Variants in PTPRK observed in about 807,000 individuals in gnomAD.
PTPRK encodes protein tyrosine phosphatase receptor type K, also known as receptor-type tyrosine-protein phosphatase kappa.
Under a neutral mutation model 178.0 loss-of-function variants are expected in PTPRK, and 75 were observed. That is an observed-to-expected ratio of 0.42 (90% confidence interval 0.35 to 0.51). The LOEUF is 0.51. PTPRK is among the 20% of genes least tolerant of loss of function. The pLI is 0.02. For synonymous variants in PTPRK, 637 were observed against 620.6 expected (o/e 1.03, Z -0.39); for missense variants, 1,441 against 1,797.8 (o/e 0.80, Z 3.59).
intron 3 of PTPRK, among the ~76,000 whole-genome samples, chr6:128,297,379 C>T (rs1381224728): frequency 6.6e-6 from 1 of 152,150 alleles, no homozygotes; most frequent in Non-Finnish European, 1.5e-5. Flanking sequence ...GCAGACCTAA[C>T]AGACATCTAC....
intron 1 of PTPRK, among the ~76,000 whole-genome samples, chr6:128,508,955 A>AG (rs1240328487): frequency 5.3e-5 from 8 of 151,594 alleles, no homozygotes; most frequent in East Asian, 1.9e-4. Context: ...CTCAAAAAAA[A>AG]AAAAGAAAAG....
chr6:128,517,100 GCA>G (rs368492338), intron 1 of PTPRK, among the ~76,000 whole-genome samples: 4 of 151,230 alleles, frequency 2.6e-5, no homozygotes, highest in East Asian at 1.9e-4. Context: ...ACACACGTGC[GCA>G]CACACACACT....
At chr6:128,047,486 C>G (rs1446513398) in intron 13 of PTPRK, among the ~76,000 whole-genome samples, 5 of 152,028 alleles carry the variant, frequency 3.3e-5, no homozygotes, top group Admixed American at 3.3e-4. Flanking sequence ...TTTTTTCTTT[C>G]CATGGCTTCT....
chr6:128,151,777 G>A (rs1797287245), intron 7 of PTPRK, among the ~76,000 whole-genome samples: 1 of 151,920 alleles, frequency 6.6e-6, no homozygotes, highest in African/African-American at 2.4e-5. Context: ...AGTGATCAAG[G>A]AAACAGAATA....
At chr6:128,069,128 T>C (rs1782361577) in intron 11 of PTPRK, among the ~76,000 whole-genome samples, 1 of 152,150 alleles carries the variant, frequency 6.6e-6, no homozygotes, top group Non-Finnish European at 1.5e-5. Context: ...AAGAAAGAGT[T>C]AAATCATAAT....
At chr6:127,980,900 C>T (rs111884980) in intron 25 of PTPRK, among the ~76,000 whole-genome samples, 1 of 152,072 alleles carries the variant, frequency 6.6e-6, no homozygotes, top group Non-Finnish European at 1.5e-5. Context: ...GACAATCAAG[C>T]TCCAAATCTA....
chr6:127,973,228 G>A lies in PTPRK; in HGVS notation c.4134-71C>T, dbSNP rs1263424970. 10 of 1,582,216 alleles carry A rather than the reference G, an allele frequency of 6.3e-6. No homozygotes were observed. The South Asian group carries it at 1.0e-4, about 16-fold the overall frequency. Reference sequence around the variant, plus strand: ...GACCACAGGTCACACCATCATATATGTTTGGGAAAATAAGACATTGTAGTT... The same window carrying A: ...GACCACAGGTCACACCATCATATATATTTGGGAAAATAAGACATTGTAGTT... On this transcript the variant is annotated intron_variant, in intron 28 of 29. Transcript: ENST00000368226.
intron 1 of PTPRK, among the ~76,000 whole-genome samples, chr6:128,465,003 C>T (rs1191386989): frequency 6.6e-6 from 1 of 151,278 alleles, no homozygotes; most frequent in Non-Finnish European, 1.5e-5. Context: ...CAAGGACAAC[C>T]CTACACTATT....
chr6:128,292,490 T>C (rs1823549982), intron 3 of PTPRK, among the ~76,000 whole-genome samples: 1 of 152,124 alleles, frequency 6.6e-6, no homozygotes, highest in Admixed American at 6.6e-5. Flanking sequence ...CATAATGTAT[T>C]TTCCCTTTGG....
At position 128,050,269 on chromosome 6, in the gene PTPRK, CT is replaced by C. The variant is rs1236214815; in HGVS notation, c.2194+14488del. ...TGATCCTGTCTCATTGTACAAGTGACTCTCTAGTGTTGCTCCATGTTCTTAA... is the reference window on the plus strand; with the variant it reads ...TGATCCTGTCTCATTGTACAAGTGACCTCTAGTGTTGCTCCATGTTCTTAA... On this transcript the variant is annotated intron_variant, in intron 13 of 29. Coordinates refer to ENST00000368226, the MANE Select transcript of PTPRK (RefSeq NM_002844.4). Among the ~76,000 whole-genome samples, 15 of 152,314 alleles carry C rather than the reference CT, an allele frequency of 9.8e-5. No homozygotes were observed. The East Asian group carries it at 2.5e-3, about 25-fold the overall frequency.
At chr6:128,003,116 T>A in intron 15 of PTPRK, 5 of 1,394,518 alleles carry the variant, frequency 3.6e-6, no homozygotes, top group Non-Finnish European at 5.0e-6. Context: ...TCCTGCACTG[T>A]AAATAATCTC....
At chr6:128,047,443 G>A (rs1778246072) in intron 13 of PTPRK, among the ~76,000 whole-genome samples, 1 of 152,060 alleles carries the variant, frequency 6.6e-6, no homozygotes, top group South Asian at 2.1e-4. Flanking sequence ...AATGAAAAAT[G>A]AATGCCCACA....
intron 12 of PTPRK, 21 bp downstream of exon 12, chr6:128,067,498 C>A: frequency 2.1e-6 from 3 of 1,455,120 alleles, no homozygotes; most frequent in Non-Finnish European, 1.8e-6. Context: ...AGGGAAAAAG[C>A]AAATCCTGGA....
chr6:128,145,449 G>A (rs1335011335), intron 7 of PTPRK, among the ~76,000 whole-genome samples: 3 of 151,838 alleles, frequency 2.0e-5, no homozygotes, highest in Non-Finnish European at 2.9e-5. Context: ...TCAATAATGT[G>A]GTTTAATAAA....
In PTPRK at chr6:128,358,767, A is replaced by G. The variant is rs145747233; in HGVS notation, c.224-36457T>C. 6.6e-5 allele frequency among the ~76,000 whole-genome samples: 10 copies of G among 152,368 alleles called. No homozygotes were observed. The East Asian group carries it at 1.7e-3, about 26-fold the overall frequency. Reference sequence around the variant, plus strand: ...GCTGAATGACAAAAATATCCAGTGCATTACCTCAGCACATGGATTGGTAGA... The same window carrying G: ...GCTGAATGACAAAAATATCCAGTGCGTTACCTCAGCACATGGATTGGTAGA... On this transcript the variant is annotated intron_variant, in intron 2 of 29. Coordinates refer to ENST00000368226, the MANE Select transcript of PTPRK (RefSeq NM_002844.4).
intron 6 of PTPRK, among the ~76,000 whole-genome samples, chr6:128,213,911 ACAC>A (rs1486714598): frequency 6.6e-6 from 1 of 152,162 alleles, no homozygotes; most frequent in African/African-American, 2.4e-5. Flanking sequence ...TCTGGTGTAG[ACAC>A]CACAATTGTC....
intron 13 of PTPRK, among the ~76,000 whole-genome samples, chr6:128,033,573 A>T (rs144875232): frequency 2.4e-4 from 37 of 152,268 alleles, no homozygotes; most frequent in African/African-American, 8.2e-4. Flanking sequence ...TTTGTGTTTA[A>T]AAGGTAAAAT....
chr6:128,294,739 T>G (rs1247999466), intron 3 of PTPRK, among the ~76,000 whole-genome samples: 1 of 152,122 alleles, frequency 6.6e-6, no homozygotes, highest in East Asian at 1.9e-4. Context: ...AAGCCAATTT[T>G]TGCTTTTTTA....
intron 6 of PTPRK, among the ~76,000 whole-genome samples, chr6:128,185,586 C>G (rs571536937): frequency 6.6e-6 from 1 of 151,980 alleles, no homozygotes; most frequent in Non-Finnish European, 1.5e-5. Context: ...TCTTTGAATT[C>G]CTGGAACACT....
Sources: allele counts gnomAD v4.1 joint callset (sites outside exome capture counted in the v4.1 genomes callset), GRCh38; gene constraint gnomAD v4.1.1; transcripts MANE v1.5; gene names NCBI Gene and HGNC (gene_info 2026-07-23, HGNC 2026-07-21).